Variants in ICAM3 observed in about 807,000 individuals in gnomAD.
The protein encoded by ICAM3 is intercellular adhesion molecule 3.
A neutral mutation model predicts 43.6 loss-of-function variants in ICAM3; 54 were observed. The observed-to-expected ratio is 1.24, with a 90% CI of 0.99 to 1.55. The LOEUF is 1.55. Ranked by LOEUF, ICAM3 falls within the 40% of genes most tolerant of loss-of-function variation. The probability of loss-of-function intolerance (pLI) is 0.00; values close to 1 mark genes in which losing one functional copy is unlikely to be tolerated. For missense variants in ICAM3, 715 were observed against 717.9 expected (o/e 1.00, Z 0.05); for synonymous variants, 306 against 312.6 (o/e 0.98, Z 0.22).
rs2040572405 is a variant in ICAM3, at chr19:10,334,987, C to T, written c.937+79G>A. 6.5e-7 allele frequency: 1 copy of T among 1,542,360 alleles called. No individual in the cohort carries two copies. Among genetic ancestry groups the T allele is most frequent in the African/African-American group, 1.4e-5 (1 of 73,352 alleles). On this transcript the variant is annotated intron_variant, in intron 4 of 6. Transcript: ENST00000160262. This position sits in a 1 kb window ranked among gnomAD's most constrained non-coding sequence, Gnocchi z 5.5. The stretch of plus-strand genomic sequence containing the variant: ...TGCTATTGGGGCAAGCCAGGCCCCA[C>T]CTTTTCGGCTAGTCTCCGCCCCCTC...
chr19:10,335,315 ACCGGGGGG>A lies in ICAM3; in HGVS notation c.680_687del (p.Ala227ValfsTer84). 1 of 1,611,724 alleles carries A rather than the reference ACCGGGGGG, an allele frequency of 6.2e-7. No individual in the cohort carries two copies. Among genetic ancestry groups the A allele is most frequent in the East Asian group, 2.2e-5 (1 of 44,872 alleles). ...GGCCACGACGTTTCCACCTCCAAGA[ACCGGGGGG>A]CCACGAGGCGCGGGGGGGTCACGGG... On this transcript the variant is annotated frameshift_variant, in exon 4 of 7. Coordinates refer to ENST00000160262, the MANE Select transcript of ICAM3 (RefSeq NM_002162.5). LOFTEE classifies it high-confidence loss of function.
Position 10,339,601 on chromosome 19 carries a change from AC to A in ICAM3, c.13del (p.Val5TyrfsTer19). Reference protein sequence around the residue: MATMVPSVLWPRACW... With the variant: MATMXPSVLWPRACW... ...GGCCCTGGGCCACAACACGGATGGT[AC>A]CATGGTGGCCATTCTGACAGAGGAA... On this transcript the variant is annotated frameshift_variant, in exon 1 of 7. Coordinates refer to ENST00000160262, the MANE Select transcript of ICAM3 (RefSeq NM_002162.5). LOFTEE classifies it high-confidence loss of function. 7 of 1,613,722 alleles carry A rather than the reference AC, an allele frequency of 4.3e-6. No homozygotes were observed. Among genetic ancestry groups the A allele is most frequent in the Non-Finnish European group, 5.9e-6 (7 of 1,179,794 alleles).
At chr19:10,335,524 T>A in intron 3 of ICAM3, 147 bp downstream of exon 3, 1 of 1,120,618 alleles carries the variant, frequency 8.9e-7, no homozygotes, top group South Asian at 1.6e-5. Flanking sequence ...GGGCCTCCCT[T>A]CCGGGGCCAC....
Position 10,333,901 on chromosome 19 carries a change from G to T in ICAM3, c.1600C>A (p.Gln534Lys). ...TCTTCCCCCATTGCTTCTGTCGGCT[G>T]CATAGACGTGAGGGGCAGATAGGTG... is the stretch of plus-strand genomic sequence containing the variant. The part of the protein sequence containing the change: ...ESTYLPLTSM[Q>K]PTEAMGEEPS... The change falls in exon 7 of 7, where the codon CAG becomes AAG. Residue 534 changes from glutamine (Q) to lysine (K), a missense_variant. Coordinates refer to ENST00000160262, the MANE Select transcript of ICAM3 (RefSeq NM_002162.5). This position sits in a 1 kb window ranked among gnomAD's most constrained non-coding sequence, Gnocchi z 4.2. 6.2e-7 allele frequency: 1 copy of T among 1,614,180 alleles called. No homozygotes were observed. The highest frequency in any genetic ancestry group is 8.5e-7 in the Non-Finnish European group (1 of 1,180,050).
At chr19:10,338,481 C>A in intron 2 of ICAM3, among the ~76,000 whole-genome samples, 1 of 151,808 alleles carries the variant, frequency 6.6e-6, no homozygotes, top group East Asian at 1.9e-4. Context: ...GATTGAGATG[C>A]GTCTCTATAT....
intron 2 of ICAM3, 77 bp from the exon 3 acceptor site, chr19:10,336,053 A>G: frequency 7.4e-7 from 1 of 1,349,848 alleles, no homozygotes; most frequent in Non-Finnish European, 9.9e-7. Flanking sequence ...GGGAGGAGAC[A>G]GGGTGGTCCT....
At position 10,334,173 on chromosome 19, in the gene ICAM3, C is replaced by T. The variant is rs752014816; in HGVS notation, c.1428G>A (p.Val476=). The change falls in exon 6 of 7, where the codon GTG becomes GTA. Residue 476 remains valine (V), a synonymous_variant. Transcript: ENST00000160262. The surrounding 1 kb of genome is among the most constrained non-coding windows in gnomAD (Gnocchi z 5.5). ...SSRGKYTLVV[V]MDIEAGSSHF... ...GTGTTAGCTCACCCTCAATGTCCAT[C>T]ACCACGACCAGGGTGTATTTGCCTC... is the stretch of plus-strand genomic sequence containing the variant. 41 of 1,613,096 alleles carry T rather than the reference C, an allele frequency of 2.5e-5. No homozygotes were observed. The highest frequency in any genetic ancestry group is 2.6e-5 in the Non-Finnish European group (31 of 1,179,562).
Position 10,338,745 on chromosome 19 carries a change from T to A in ICAM3, c.280A>T (p.Ile94Phe). The A allele has an allele frequency of 6.2e-7, 1 of 1,614,134 alleles. No individual in the cohort carries two copies. The highest frequency in any genetic ancestry group is 8.5e-7 in the Non-Finnish European group (1 of 1,179,978). ...CCATTGCAGTACACTGAGCAGAGGA[T>A]CCGACTGTTGCCAGTCACGTTGCTG... The part of the protein sequence containing the change: ...NLSNVTGNSR[I>F]LCSVYCNGSQ... Residue 94 changes from isoleucine to phenylalanine, a missense_variant, in exon 2 of 7, where the codon ATC becomes TTC. Physicochemically the swap from Ile to Phe is conservative, Grantham distance 21 (BLOSUM62 0). Transcript: ENST00000160262.
Position 10,334,204 on chromosome 19 carries a change from C to T in ICAM3, c.1397G>A (p.Ser466Asn), listed in dbSNP as rs756173949. ...HNGTYQCQAS[S>N]SRGKYTLVVV... ...GACCAGGGTGTATTTGCCTCGTGAG[C>T]TGGACGCTTGGCACTGATAAGTACC... Residue 466 changes from serine (S) to asparagine (N), a missense_variant, in exon 6 of 7, where the codon AGC becomes AAC. Coordinates refer to ENST00000160262, the MANE Select transcript of ICAM3 (RefSeq NM_002162.5). This position sits in a 1 kb window ranked among gnomAD's most constrained non-coding sequence, Gnocchi z 5.5. 12 of 1,614,120 alleles carry T rather than the reference C, an allele frequency of 7.4e-6. No individual in the cohort carries two copies. In the South Asian group the frequency reaches 8.8e-5, roughly 12 times the overall value.
Position 10,335,774 on chromosome 19 carries a change from G to A in ICAM3, c.546C>T (p.Asp182=), listed in dbSNP as rs781293052. Residue 182 remains aspartate, a synonymous_variant, in exon 3 of 7, where the codon GAC becomes GAT. Coordinates refer to ENST00000160262, the MANE Select transcript of ICAM3 (RefSeq NM_002162.5). ...GGCATGAGAAAGGGGCTCCGTGGTC[G>A]TCTCTGCTGGCCAGCACAGTGGCAG... ...EVTATVLASR[D]DHGAPFSCRT... is the part of the protein sequence containing the mutation. The A allele has an allele frequency of 4.3e-6, 7 of 1,612,550 alleles. No homozygotes were observed. The highest frequency in any genetic ancestry group is 5.1e-6 in the Non-Finnish European group (6 of 1,179,780).
At chr19:10,336,119 T>A in intron 2 of ICAM3, 143 bp from the exon 3 acceptor site, 5 of 704,000 alleles carry the variant, frequency 7.1e-6, no homozygotes, top group Non-Finnish European at 9.2e-6. Context: ...GCTGGGCCAG[T>A]CGAAGCGTTT....
In ICAM3 at chr19:10,336,187, C is replaced by T. The variant is rs989338012; in HGVS notation, c.344-211G>A. On this transcript the variant is annotated intron_variant, in intron 2 of 6. Coordinates refer to ENST00000160262, the MANE Select transcript of ICAM3 (RefSeq NM_002162.5). ...CTGTGTTGTCAGATACCTTGCAAGGCGCTAAACAAAACTTTCTGTTCTCAA... is the reference window on the plus strand; with the variant it reads ...CTGTGTTGTCAGATACCTTGCAAGGTGCTAAACAAAACTTTCTGTTCTCAA... The T allele has an allele frequency of 1.1e-5, 6 of 525,072 alleles. No homozygotes were observed. The East Asian group carries it at 1.4e-4, about 13-fold the overall frequency. 32.5% of individuals were successfully genotyped at this position (525,072 alleles called of 1,614,324 possible).
In ICAM3 at chr19:10,334,247, C is replaced by T; in HGVS notation, c.1354G>A (p.Val452Ile). Residue 452 changes from valine (V) to isoleucine (I), a missense_variant, in exon 6 of 7, where the codon GTC becomes ATC. By Grantham distance (29) the Val-to-Ile change is conservative (BLOSUM62 3). Coordinates refer to ENST00000160262, the MANE Select transcript of ICAM3 (RefSeq NM_002162.5). The surrounding 1 kb of genome is among the most constrained non-coding windows in gnomAD (Gnocchi z 5.5). Reference protein sequence around the residue: ...REVPVGIPFFVNVTHNGTYQC... With the variant: ...REVPVGIPFFINVTHNGTYQC... Reference sequence around the variant, plus strand: ...TAAGTACCATTATGTGTTACGTTGACGAAGAACGGGATCCCCACCGGCACC... The same window carrying T: ...TAAGTACCATTATGTGTTACGTTGATGAAGAACGGGATCCCCACCGGCACC... 6.2e-7 allele frequency: 1 copy of T among 1,614,090 alleles called. No homozygotes were observed. Among genetic ancestry groups the T allele is most frequent in the Non-Finnish European group, 8.5e-7 (1 of 1,180,026 alleles).
intron 2 of ICAM3, 63 bp downstream of exon 2, chr19:10,338,619 C>G: frequency 6.5e-7 from 1 of 1,527,176 alleles, no homozygotes; most frequent in East Asian, 2.3e-5. Flanking sequence ...CTCTCCTGAG[C>G]CATTGGCCAC....
At chr19:10,336,038 G>T in intron 2 of ICAM3, 62 bp from the exon 3 acceptor site, 2 of 1,404,482 alleles carry the variant, frequency 1.4e-6, no homozygotes, top group South Asian at 1.4e-5. Context: ...TCACCCCAGG[G>T]ACTGGGGAGG....
chr19:10,336,343 G>C, intron 2 of ICAM3: 1 of 236,504 alleles, frequency 4.2e-6, no homozygotes, highest in Non-Finnish European at 8.5e-6. Flanking sequence ...TGGGAGGCCG[G>C]GGTGGGTGGA....
chr19:10,335,067 A>G lies in ICAM3; in HGVS notation c.936T>C (p.Phe312=). The G allele has an allele frequency of 7.4e-6, 12 of 1,611,460 alleles. No homozygotes were observed. The highest frequency in any genetic ancestry group is 1.0e-5 in the Non-Finnish European group (12 of 1,178,582). ...CCCCCTTCCCACGCCTCCTCTTACT[A>G]AAGACCGTCAAGTTCTCCCGGGCCT... The part of the protein sequence containing the change: ...RREARENLTV[F]SFLGPIVNLS... The change falls in exon 4 of 7, where the codon TTT becomes TTC. Residue 312 remains phenylalanine (F), a splice_region_variant and synonymous_variant. Coordinates refer to ENST00000160262, the MANE Select transcript of ICAM3 (RefSeq NM_002162.5).
intron 2 of ICAM3, among the ~76,000 whole-genome samples, chr19:10,337,173 T>G (rs2040607704): frequency 6.6e-6 from 1 of 151,632 alleles, no homozygotes. Flanking sequence ...TCCCAGCACT[T>G]TGGGAGGCCA....
intron 2 of ICAM3, chr19:10,336,376 T>A (rs2040598463): frequency 5.1e-6 from 1 of 196,132 alleles, no homozygotes; most frequent in Admixed American, 5.3e-5. Context: ...GATTATTCAG[T>A]TCTCTCCAAT....
Sources: gnomAD v4.1 joint callset for allele counts (sites outside exome capture counted in the v4.1 genomes callset) on GRCh38, gnomAD v4.1.1 for gene constraint, Gnocchi (gnomAD v3.1) non-coding constraint, MANE v1.5 for transcripts, NCBI Gene and HGNC (gene_info 2026-07-23, HGNC 2026-07-21) for gene names.